Variants in GRHL3 observed in about 807,000 individuals in gnomAD.
GRHL3 encodes the protein grainyhead-like protein 3 homolog.
In GRHL3, 20 loss-of-function variants were observed where a neutral mutation model predicts 70.3. The ratio of observed to expected loss-of-function variants is 0.28; its 90% CI spans 0.20 to 0.41. The LOEUF (loss-of-function observed/expected upper bound fraction) is 0.41, where lower values mean the gene tolerates loss of function less well. GRHL3 is among the 10% of genes least tolerant of loss of function. GRHL3 has a pLI of 1.00. For missense variants in GRHL3, 637 were observed against 762.3 expected (o/e 0.84, Z 1.94); for synonymous variants, 299 against 299.9 (o/e 1.00, Z 0.03).
chr1:24,322,490 G>C lies in GRHL3; in HGVS notation c.17+2922G>C, dbSNP rs1040077781. ...ACGAGGTGTGTTATTAAAAGTCGGA[G>C]CTACGCTGCTGCTGAATGAAAAGTT... On this transcript the variant is annotated intron_variant, in intron 1 of 15. Transcript: ENST00000361548. This position sits in a 1 kb window ranked among gnomAD's most constrained non-coding sequence, Gnocchi z 4.4. Among the ~76,000 whole-genome samples the C allele has an allele frequency of 2.6e-5, 4 of 152,278 alleles. No individual in the cohort carries two copies. Among genetic ancestry groups the C allele is most frequent in the Non-Finnish European group, 5.9e-5 (4 of 68,052 alleles).
At chr1:24,355,932 G>A (rs950660969), downstream of GRHL3, among the ~76,000 whole-genome samples, 2 of 144,320 alleles carry the variant, frequency 1.4e-5, no homozygotes, top group African/African-American at 2.6e-5. Flanking sequence ...ATGGAGCCTC[G>A]CTTTGTCACC....
At position 24,319,423 on chromosome 1, in the gene GRHL3, A is replaced by G; in HGVS notation, c.-129A>G. 1 of 1,049,868 alleles carries G rather than the reference A, an allele frequency of 9.5e-7. No homozygotes were observed. The highest frequency in any genetic ancestry group is 1.5e-6 in the Non-Finnish European group (1 of 673,758). The allele number at this position is 1,049,868 out of a possible 1,614,324, so 65.0% of individuals were successfully genotyped here. A position where few individuals can be genotyped will look rare whatever the true frequency, so the allele number is the denominator to read the frequency against. ...TGCTGGGAACCTACCTGTCAGCAAA[A>G]TCTCGACACCCAAACCTCAACATAA... On this transcript the variant is annotated 5_prime_UTR_variant, in exon 1 of 16. Coordinates refer to ENST00000361548, the MANE Select transcript of GRHL3 (RefSeq NM_198173.3).
At chr1:24,327,174 A>G (rs1028165836) in intron 1 of GRHL3, among the ~76,000 whole-genome samples, 2 of 152,118 alleles carry the variant, frequency 1.3e-5, no homozygotes, top group African/African-American at 4.8e-5. Flanking sequence ...TCTCCTAACA[A>G]CCCATGAGAT....
intron 1 of GRHL3, among the ~76,000 whole-genome samples, chr1:24,323,878 G>A (rs1307301834): frequency 6.6e-6 from 1 of 152,208 alleles, no homozygotes; most frequent in South Asian, 2.1e-4. Flanking sequence ...ATTTCTCTAG[G>A]CTTTTCCAGG....
intron 8 of GRHL3, among the ~76,000 whole-genome samples, chr1:24,341,139 C>T (rs965517722): frequency 6.6e-6 from 1 of 152,138 alleles, no homozygotes; most frequent in African/African-American, 2.4e-5. Context: ...GACCGGGGTT[C>T]CCATGGAGCC....
intron 15 of GRHL3, chr1:24,360,889 C>G: frequency 6.2e-7 from 1 of 1,613,594 alleles, no homozygotes; most frequent in Non-Finnish European, 8.5e-7. Context: ...CGCCGCTGTC[C>G]ACCGGCTGGT....
chr1:24,323,673 CTA>C (rs1639288790), intron 1 of GRHL3, among the ~76,000 whole-genome samples: 2 of 152,170 alleles, frequency 1.3e-5, no homozygotes, highest in Admixed American at 1.3e-4. Flanking sequence ...AGGCCTGACT[CTA>C]TGAAATAATT....
chr1:24,364,475 A>T, exon 16 of GRHL3: 1 of 1,393,846 alleles, frequency 7.2e-7, no homozygotes, highest in Admixed American at 3.4e-5. Flanking sequence ...ATTACTTTGC[A>T]TTTAAAATGT....
intron 15 of GRHL3, among the ~76,000 whole-genome samples, chr1:24,363,126 C>G (rs911942565): frequency 2.6e-5 from 4 of 152,164 alleles, no homozygotes; most frequent in African/African-American, 9.7e-5. Flanking sequence ...GCCCAAGATT[C>G]CCACCCTGTT....
chr1:24,361,081 T>C (rs765483377), intron 15 of GRHL3: 1 of 1,539,746 alleles, frequency 6.5e-7, no homozygotes, highest in East Asian at 2.3e-5. Context: ...ACTAAGGCAG[T>C]CTAGTGGGGA....
chr1:24,319,639 A>G, intron 1 of GRHL3, 71 bp downstream of exon 1: 2 of 1,612,310 alleles, frequency 1.2e-6, no homozygotes, highest in Non-Finnish European at 1.7e-6. Context: ...TGGAGGGGGA[A>G]GAGCGGGGAG....
chr1:24,339,228 G>A (rs1639941224), intron 7 of GRHL3, among the ~76,000 whole-genome samples: 1 of 152,086 alleles, frequency 6.6e-6, no homozygotes, highest in South Asian at 2.1e-4. Flanking sequence ...ATTGAAGTGT[G>A]GTTCTTGGGG....
At chr1:24,337,542 C>T (rs1053187801) in intron 5 of GRHL3, 94 bp from the exon 6 acceptor site, 4 of 1,328,826 alleles carry the variant, frequency 3.0e-6, no homozygotes, top group Non-Finnish European at 4.2e-6. Flanking sequence ...AACAGCAAGT[C>T]TGTAACATAG....
chr1:24,336,046 A>T (rs1444092554), intron 3 of GRHL3, among the ~76,000 whole-genome samples: 1 of 151,996 alleles, frequency 6.6e-6, no homozygotes, highest in African/African-American at 2.4e-5. Context: ...ATCCTTCCAG[A>T]TCTTTTCCTA....
Position 24,322,303 on chromosome 1 carries a change from A to G in GRHL3, c.17+2735A>G, listed in dbSNP as rs1172803918. Reference sequence around the variant, plus strand: ...GACTCGGTTGGGGGAAGGGGACTAGAACCGTCGCAGTCCTGACCGCGGCCG... The same window carrying G: ...GACTCGGTTGGGGGAAGGGGACTAGGACCGTCGCAGTCCTGACCGCGGCCG... On this transcript the variant is annotated intron_variant, in intron 1 of 15. Coordinates refer to ENST00000361548, the MANE Select transcript of GRHL3 (RefSeq NM_198173.3). This position sits in a 1 kb window ranked among gnomAD's most constrained non-coding sequence, Gnocchi z 4.4. Among the ~76,000 whole-genome samples, 1 of 152,024 alleles carries G rather than the reference A, an allele frequency of 6.6e-6. No individual in the cohort carries two copies. Among genetic ancestry groups the G allele is most frequent in the Non-Finnish European group, 1.5e-5 (1 of 67,996 alleles).
rs181780054 is a variant in GRHL3, at chr1:24,323,446, G to A, written c.17+3878G>A. 3.9e-5 allele frequency among the ~76,000 whole-genome samples: 6 copies of A among 152,304 alleles called. No homozygotes were observed. In the East Asian group the frequency reaches 9.7e-4, roughly 25 times the overall value. On this transcript the variant is annotated intron_variant, in intron 1 of 15. Coordinates refer to ENST00000361548, the MANE Select transcript of GRHL3 (RefSeq NM_198173.3). Reference sequence around the variant, plus strand: ...GACCAGGCAGAGGACTGGGAAGCAGGAGGTTCCCAAATCCACTACTGACCT... The same window carrying A: ...GACCAGGCAGAGGACTGGGAAGCAGAAGGTTCCCAAATCCACTACTGACCT...
downstream of GRHL3, among the ~76,000 whole-genome samples, chr1:24,356,622 G>T (rs1321735910): frequency 6.6e-6 from 1 of 152,190 alleles, no homozygotes; most frequent in East Asian, 1.9e-4. Flanking sequence ...GCTACCTGTA[G>T]CCCTCAGTTT....
intron 14 of GRHL3, among the ~76,000 whole-genome samples, chr1:24,348,880 A>G (rs570622127): frequency 6.6e-6 from 1 of 152,356 alleles, no homozygotes; most frequent in Admixed American, 6.5e-5. Flanking sequence ...AAATGCCCAG[A>G]GAGGATGACC....
intron 4 of GRHL3, 51 bp downstream of exon 4, chr1:24,336,878 C>T (rs1639838270): frequency 7.1e-7 from 1 of 1,414,268 alleles, no homozygotes; most frequent in Non-Finnish European, 9.8e-7. Flanking sequence ...TGTGCATATA[C>T]AGAATGAGAG....
Sources: gnomAD v4.1 joint callset for allele counts (sites outside exome capture counted in the v4.1 genomes callset) on GRCh38, gnomAD v4.1.1 for gene constraint, Gnocchi (gnomAD v3.1) non-coding constraint, MANE v1.5 for transcripts, NCBI Gene and HGNC (gene_info 2026-07-23, HGNC 2026-07-21) for gene names.